TAF4B: variants seen among roughly 807,000 people sequenced by gnomAD.
TAF4B encodes the protein transcription initiation factor TFIID subunit 4B.
TAF4B carries 38 observed loss-of-function variants against 86.4 expected under a neutral mutation model. The observed-to-expected ratio is 0.44, with a 90% confidence interval of 0.34 to 0.58. TAF4B has a LOEUF of 0.58. Ranked by LOEUF, TAF4B falls within the 20% of genes least tolerant of loss-of-function variation. TAF4B has a pLI of 0.02. For synonymous variants in TAF4B, 388 were observed against 391.2 expected, an observed-to-expected ratio of 0.99 and a Z score of 0.10; for missense variants, 988 against 1,027.6, an observed-to-expected ratio of 0.96 and a Z score of 0.53.
chr18:26,372,573 A>G (rs768910567), intron 14 of TAF4B, among the ~76,000 whole-genome samples: 1 of 152,218 alleles, frequency 6.6e-6, no homozygotes, highest in Non-Finnish European at 1.5e-5. Context: ...ATTAAGTCTT[A>G]TGACGTATCA....
At chr18:26,289,609 C>G (rs2056567981) in intron 7 of TAF4B, among the ~76,000 whole-genome samples, 1 of 152,158 alleles carries the variant, frequency 6.6e-6, no homozygotes, top group Non-Finnish European at 1.5e-5. Flanking sequence ...ACCTCTGCCT[C>G]CTGACTAGCT....
intron 13 of TAF4B, among the ~76,000 whole-genome samples, chr18:26,337,854 T>C (rs2057105473): frequency 6.6e-6 from 1 of 152,220 alleles, no homozygotes; most frequent in Non-Finnish European, 1.5e-5. Context: ...GGTATTTGGC[T>C]GTCTGAGAAG....
chr18:26,373,144 C>A (rs1324763523), intron 14 of TAF4B, among the ~76,000 whole-genome samples: 3 of 152,132 alleles, frequency 2.0e-5, no homozygotes, highest in African/African-American at 7.2e-5. Context: ...GTCAGCCCCT[C>A]TCCCTTCACA....
At chr18:26,292,981 TTTC>T (rs537429505) in intron 8 of TAF4B, among the ~76,000 whole-genome samples, 144 of 152,358 alleles carry the variant, frequency 9.5e-4, no homozygotes, top group African/African-American at 3.3e-3. Flanking sequence ...CTATAGATTT[TTTC>T]TTCTTAAAAT....
In TAF4B at chr18:26,226,751, G is replaced by A. The variant is rs2055580438; in HGVS notation, c.-183G>A. 1.1e-5 allele frequency: 5 copies of A among 467,378 alleles called. No homozygotes were observed. The highest frequency in any genetic ancestry group is 1.8e-5 in the Non-Finnish European group (5 of 277,082). 29.0% of individuals were successfully genotyped at this position (467,378 alleles called of 1,614,324 possible). On this transcript the variant is annotated 5_prime_UTR_variant, in exon 1 of 15. Coordinates refer to ENST00000269142, the MANE Select transcript of TAF4B (RefSeq NM_005640.3). ...CTCGCGCGGACGAGAGGAAGGTCCG[G>A]GACGCGCGTGTCCTGCCGTGCAGCG...
rs1219215053 is a variant in TAF4B at position 26,226,937 on chromosome 18, CCCG to C, written c.8_10del (p.Ala3del). On this transcript the variant is annotated inframe_deletion, in exon 1 of 15. Transcript: ENST00000269142. ...GCTGCCGCTGAGCCCCTGGGGGATGCCCGCCGGCCTCACCGAACCCGCCGGCGC... is the reference window on the plus strand; with the variant it reads ...GCTGCCGCTGAGCCCCTGGGGGATGCCCGGCCTCACCGAACCCGCCGGCGC... 3 of 1,371,076 alleles carry C rather than the reference CCCG, an allele frequency of 2.2e-6. No homozygotes were observed. The highest frequency in any genetic ancestry group is 2.8e-6 in the Non-Finnish European group (3 of 1,071,624). The allele number at this position is 1,371,076 out of a possible 1,614,324, so 84.9% of individuals were successfully genotyped here.
intron 10 of TAF4B, among the ~76,000 whole-genome samples, chr18:26,317,213 T>C (rs2056921617): frequency 6.6e-6 from 1 of 151,942 alleles, no homozygotes; most frequent in Non-Finnish European, 1.5e-5. Context: ...GTATTTTTAG[T>C]AGAGATGGGG....
chr18:26,359,834 T>C (rs4800256), intron 14 of TAF4B, among the ~76,000 whole-genome samples: 142,858 of 151,998 alleles, frequency 0.94, 67,342 homozygotes, highest in East Asian at 0.99. Context: ...TGTCACCTCT[T>C]ACCCACCCGA....
intron 5 of TAF4B, among the ~76,000 whole-genome samples, 180 bp downstream of exon 5, chr18:26,275,233 G>A (rs1166398472): frequency 6.6e-6 from 1 of 152,190 alleles, no homozygotes; most frequent in Admixed American, 6.5e-5. Flanking sequence ...TAGGCTGACT[G>A]CAACCTCTGC....
At chr18:26,227,322 G>T (rs757209066) in intron 1 of TAF4B, 46 bp downstream of exon 1, 1 of 1,569,504 alleles carries the variant, frequency 6.4e-7, no homozygotes, top group East Asian at 2.4e-5. Flanking sequence ...TCCAGCTGGC[G>T]GCGACGGGAA....
chr18:26,292,255 C>T lies in TAF4B; in HGVS notation c.1600C>T (p.Gln534Ter), dbSNP rs748139054. 14 of 1,613,754 alleles carry T rather than the reference C, an allele frequency of 8.7e-6. No homozygotes were observed. Among genetic ancestry groups the T allele is most frequent in the Non-Finnish European group, 1.0e-5 (12 of 1,179,864 alleles). ...AVQVKQLVVQ[Q>*]PSGGNEKQVT... ...GTTCTCATTGTTTCAGGTAGTTCAG[C>T]AGCCTTCAGGAGGCAATGAAAAACA... Residue 534 changes from glutamine (Q) to a stop codon, truncating the protein, a stop_gained, in exon 8 of 15, where the codon CAG becomes TAG. Coordinates refer to ENST00000269142, the MANE Select transcript of TAF4B (RefSeq NM_005640.3). LOFTEE classifies it high-confidence loss of function.
chr18:26,377,327 T>C (rs574251797), intron 14 of TAF4B, among the ~76,000 whole-genome samples: 2 of 152,352 alleles, frequency 1.3e-5, no homozygotes, highest in African/African-American at 2.4e-5. Flanking sequence ...GAAAACTTTA[T>C]TGATTACGAT....
chr18:26,277,051 A>T (rs928440064), intron 5 of TAF4B, among the ~76,000 whole-genome samples: 2 of 152,124 alleles, frequency 1.3e-5, no homozygotes, highest in African/African-American at 2.4e-5. Flanking sequence ...TGGGGTTAAC[A>T]TTAAAACTGA....
intron 9 of TAF4B, among the ~76,000 whole-genome samples, chr18:26,314,211 C>CT (rs1490069399): frequency 1.3e-5 from 2 of 152,012 alleles, no homozygotes; most frequent in Non-Finnish European, 2.9e-5. Flanking sequence ...GAAACAACAT[C>CT]TTTTTATATA....
chr18:26,287,359 G>A (rs537056911), intron 7 of TAF4B, among the ~76,000 whole-genome samples: 19 of 152,068 alleles, frequency 1.2e-4, no homozygotes, highest in Non-Finnish European at 2.8e-4. Flanking sequence ...ATATTGTAAT[G>A]TTTTAAGTGC....
chr18:26,289,357 A>T (rs2144604520), intron 7 of TAF4B, among the ~76,000 whole-genome samples: 1 of 152,362 alleles, frequency 6.6e-6, no homozygotes, highest in South Asian at 2.1e-4. Context: ...ACTGTATCAA[A>T]TCTGGGGTTC....
intron 12 of TAF4B, among the ~76,000 whole-genome samples, chr18:26,333,849 T>G (rs2057070346): frequency 6.6e-6 from 1 of 152,142 alleles, no homozygotes; most frequent in Admixed American, 6.5e-5. Flanking sequence ...CTACAATTAC[T>G]TTGTCTCCTT....
intron 14 of TAF4B, among the ~76,000 whole-genome samples, chr18:26,358,217 A>G (rs181916891): frequency 4.7e-4 from 71 of 152,116 alleles, no homozygotes; most frequent in African/African-American, 1.7e-3. Context: ...TCTTTTTCTG[A>G]GTATATGTGT....
Position 26,261,732 on chromosome 18 carries a change from G to A in TAF4B, c.344-3438G>A, listed in dbSNP as rs138232319. Among the ~76,000 whole-genome samples the A allele has an allele frequency of 2.9e-3, 437 of 152,294 alleles. 3 individuals are homozygous for A. Among genetic ancestry groups the A allele is most frequent in the Admixed American group, 4.6e-3 (71 of 15,288 alleles). ...TGTTTGAGGTTTGTTCTGACCCAAG[G>A]AGGACCCTTCTTAGTTGTCTCTTTG... On this transcript the variant is annotated intron_variant, in intron 1 of 14. Coordinates refer to ENST00000269142, the MANE Select transcript of TAF4B (RefSeq NM_005640.3).
Sources: gnomAD v4.1 joint callset for allele counts (sites outside exome capture counted in the v4.1 genomes callset) on GRCh38, gnomAD v4.1.1 for gene constraint, MANE v1.5 for transcripts, NCBI Gene and HGNC (gene_info 2026-07-23, HGNC 2026-07-21) for gene names.